The following PRR16 variants were observed in gnomAD, a reference collection of about 807,000 sequenced individuals.
PRR16 encodes the protein protein Largen.
PRR16 carries 6 observed loss-of-function variants against 18.2 expected under a neutral mutation model. The ratio of observed to expected loss-of-function variants is 0.33; its 90% CI spans 0.18 to 0.65. The LOEUF (loss-of-function observed/expected upper bound fraction) is 0.65, where lower values mean the gene tolerates loss of function less well. Among genes scored for constraint, PRR16 ranks in the 30% least tolerant of loss-of-function variants. The pLI is 0.74. For synonymous variants in PRR16, 151 were observed against 147.8 expected (o/e 1.02, Z -0.16); for missense variants, 412 against 376.6 (o/e 1.09, Z -0.78).
intron 1 of PRR16, among the ~76,000 whole-genome samples, chr5:120,518,337 A>G (rs1002852653): frequency 6.6e-5 from 10 of 152,070 alleles, no homozygotes; most frequent in African/African-American, 2.4e-4. Flanking sequence ...ATATTTGTAA[A>G]GGAATATACT....
chr5:120,775,598 CTA>C, the PRR16 span, among the ~76,000 whole-genome samples: 1 of 150,698 alleles, frequency 6.6e-6, no homozygotes, highest in Admixed American at 6.6e-5. Flanking sequence ...TCTTTCTAAA[CTA>C]TACATCTTTT....
the PRR16 span, among the ~76,000 whole-genome samples, chr5:120,713,294 A>G: frequency 6.6e-6 from 1 of 152,192 alleles, no homozygotes; most frequent in Non-Finnish European, 1.5e-5. Flanking sequence ...CTTGTAACCT[A>G]GATACATAAA....
At chr5:120,756,331 T>A in the PRR16 span, among the ~76,000 whole-genome samples, 1 of 152,178 alleles carries the variant, frequency 6.6e-6, no homozygotes, top group Middle Eastern at 3.4e-3. Flanking sequence ...TTGTAGGAAG[T>A]TGGTGTGAAT....
the PRR16 span, among the ~76,000 whole-genome samples, chr5:120,751,350 A>G: frequency 6.6e-6 from 1 of 152,130 alleles, no homozygotes; most frequent in African/African-American, 2.4e-5. Flanking sequence ...ACAGCTCCAT[A>G]CTGTTTTCCA....
chr5:120,481,455 T>C (rs1228224494), intron 1 of PRR16, among the ~76,000 whole-genome samples: 1 of 152,148 alleles, frequency 6.6e-6, no homozygotes, highest in African/African-American at 2.4e-5. Flanking sequence ...TCATTGCCGA[T>C]GTTGTTTCCA....
chr5:120,490,351 CT>C (rs1749982773), intron 1 of PRR16, among the ~76,000 whole-genome samples: 1 of 152,120 alleles, frequency 6.6e-6, no homozygotes, highest in South Asian at 2.1e-4. Flanking sequence ...TTGTTCGTTT[CT>C]TTTTATTCTT....
At chr5:120,769,606 A>C in the PRR16 span, among the ~76,000 whole-genome samples, 13 of 151,896 alleles carry the variant, frequency 8.6e-5, no homozygotes, top group African/African-American at 1.7e-4. Flanking sequence ...TTATCCATTA[A>C]TCTGTCAGTA....
the PRR16 span, among the ~76,000 whole-genome samples, chr5:120,750,506 A>C: frequency 6.6e-6 from 1 of 151,902 alleles, no homozygotes. Context: ...TAAAAAAAAA[A>C]CAAAACAAAA....
At chr5:120,644,851 A>G (rs939539596) in intron 1 of PRR16, among the ~76,000 whole-genome samples, 15 of 152,156 alleles carry the variant, frequency 9.9e-5, no homozygotes, top group Non-Finnish European at 1.9e-4. Flanking sequence ...TTGTAAGTTC[A>G]TGAACCACAT....
intron 1 of PRR16, among the ~76,000 whole-genome samples, chr5:120,535,048 T>G (rs1029744489): frequency 6.6e-5 from 10 of 151,028 alleles, no homozygotes; most frequent in African/African-American, 1.9e-4. Context: ...GATATGTAAT[T>G]GAAATGATTA....
chr5:120,744,924 C>T, the PRR16 span, among the ~76,000 whole-genome samples: 1 of 152,138 alleles, frequency 6.6e-6, no homozygotes, highest in South Asian at 2.1e-4. Context: ...TGTCCTCTAA[C>T]CCAATTCACT....
intron 1 of PRR16, among the ~76,000 whole-genome samples, chr5:120,480,079 G>C (rs1749561310): frequency 6.6e-6 from 1 of 152,016 alleles, no homozygotes; most frequent in African/African-American, 2.4e-5. Flanking sequence ...TTCATAACAG[G>C]CTGCATTGTA....
At chr5:120,555,102 T>C (rs1752367338) in intron 1 of PRR16, among the ~76,000 whole-genome samples, 1 of 151,960 alleles carries the variant, frequency 6.6e-6, no homozygotes, top group African/African-American at 2.4e-5. Context: ...AAATATCTAG[T>C]GTTTATTTAT....
At chr5:120,771,175 C>T in the PRR16 span, among the ~76,000 whole-genome samples, 1 of 151,912 alleles carries the variant, frequency 6.6e-6, no homozygotes, top group South Asian at 2.1e-4. Flanking sequence ...AATACATGAA[C>T]CATCTTTAGG....
At chr5:120,688,406 A>T (rs1290719491), downstream of PRR16, among the ~76,000 whole-genome samples, 1 of 152,200 alleles carries the variant, frequency 6.6e-6, no homozygotes, top group Non-Finnish European at 1.5e-5. Context: ...ATCCATAATC[A>T]AGAAAGACCA....
chr5:120,706,973 CTA>C, the PRR16 span, among the ~76,000 whole-genome samples: 1 of 152,122 alleles, frequency 6.6e-6, no homozygotes, highest in Non-Finnish European at 1.5e-5. Flanking sequence ...CATAGGGACA[CTA>C]TCTTTTTTGA....
At chr5:120,559,556 A>G (rs1752514364) in intron 1 of PRR16, among the ~76,000 whole-genome samples, 1 of 151,878 alleles carries the variant, frequency 6.6e-6, no homozygotes, top group Admixed American at 6.6e-5. Context: ...TGGTCACTAT[A>G]ACTCTGTGGT....
intron 1 of PRR16, among the ~76,000 whole-genome samples, chr5:120,468,636 A>G (rs976156983): frequency 1.3e-5 from 2 of 152,350 alleles, no homozygotes; most frequent in African/African-American, 4.8e-5. Flanking sequence ...GAGTAGCAAT[A>G]TGCCTGTTCT....
chr5:120,477,911 A>G (rs1749495220), intron 1 of PRR16, among the ~76,000 whole-genome samples: 1 of 152,138 alleles, frequency 6.6e-6, no homozygotes, highest in Admixed American at 6.5e-5. Context: ...GTGGCAGAAC[A>G]CCACAGCCTG....
Sources: gnomAD v4.1 joint callset for allele counts (sites outside exome capture counted in the v4.1 genomes callset) on GRCh38, gnomAD v4.1.1 for gene constraint, MANE v1.5 for transcripts, NCBI Gene and HGNC (gene_info 2026-07-23, HGNC 2026-07-21) for gene names.